COX20: variants seen among roughly 807,000 people sequenced by gnomAD.
COX20 encodes the protein cytochrome c oxidase assembly factor COX20.
In COX20, 14 loss-of-function variants were observed where a neutral mutation model predicts 14.3. The observed-to-expected ratio is 0.98, with a 90% CI of 0.65 to 1.53. The LOEUF is 1.53. Among genes scored for constraint, COX20 ranks in the 40% most tolerant of loss-of-function variants. The pLI is 0.00. For synonymous variants in COX20, 56 were observed against 51.7 expected (o/e 1.08, Z -0.36); for missense variants, 149 against 142.1 (o/e 1.05, Z -0.25).
At position 244,843,495 on chromosome 1, in the gene COX20, A is replaced by G. The variant is rs1680299068; in HGVS notation, c.*319A>G. ...GTAGTAGTAAGTATAGAGTTTGATGATAAGTAAACGTCCCTTAACAAAAAC... is the reference window on the plus strand; with the variant it reads ...GTAGTAGTAAGTATAGAGTTTGATGGTAAGTAAACGTCCCTTAACAAAAAC... On this transcript the variant is annotated 3_prime_UTR_variant, in exon 4 of 4. Transcript: ENST00000411948. The G allele has an allele frequency of 4.4e-6, 1 of 226,006 alleles. No homozygotes were observed. The highest frequency in any genetic ancestry group is 8.6e-6 in the Non-Finnish European group (1 of 116,332). The allele number at this position is 226,006 out of a possible 1,614,324, so 14.0% of individuals were successfully genotyped here.
intron 1 of COX20, chr1:244,841,159 T>C (rs1680184434): frequency 6.6e-6 from 1 of 152,166 alleles, no homozygotes. Flanking sequence ...GAAAAAGAAT[T>C]TTAGCACTTG....
intron 1 of COX20, chr1:244,839,648 A>G (rs1489007385): frequency 6.6e-6 from 1 of 152,204 alleles, no homozygotes; most frequent in East Asian, 1.9e-4. Flanking sequence ...CAGTGTACTT[A>G]ACTGTAAAGG....
intron 3 of COX20, 48 bp downstream of exon 3, chr1:244,842,306 C>T: frequency 7.7e-7 from 1 of 1,297,400 alleles, no homozygotes; most frequent in Non-Finnish European, 1.1e-6. Context: ...AGTAGGTTAT[C>T]TAATTCAAAA....
chr1:244,835,739 G>A lies in COX20; in HGVS notation c.25G>A (p.Glu9Lys), dbSNP rs946982087. ...CATGGCCGCCCCGCCGGAGCCCGGTGAGCCCGAGGAGAGGAAGGTAACCTG... is the reference window on the plus strand; with the variant it reads ...CATGGCCGCCCCGCCGGAGCCCGGTAAGCCCGAGGAGAGGAAGGTAACCTG... MAAPPEPGEPEERKSLKLL... is the reference protein window; with the variant it reads MAAPPEPGKPEERKSLKLL... Residue 9 changes from glutamate to lysine, a missense_variant, in exon 1 of 4, where the codon GAG (glutamate) becomes AAG (lysine). By Grantham distance (56) the Glu-to-Lys change is moderately conservative (BLOSUM62 1). Transcript: ENST00000411948. 8 of 1,273,320 alleles carry A rather than the reference G, an allele frequency of 6.3e-6. No individual in the cohort carries two copies. The highest frequency in any genetic ancestry group is 3.1e-5 in the African/African-American group (2 of 65,144). 78.9% of individuals were successfully genotyped at this position (1,273,320 alleles called of 1,614,324 possible). A position where few individuals can be genotyped will look rare whatever the true frequency, so the allele number is the denominator to read the frequency against.
intron 1 of COX20, chr1:244,840,850 A>ATATAGGAT (rs1680173898): frequency 2.0e-5 from 3 of 152,278 alleles, no homozygotes; most frequent in South Asian, 2.1e-4. Context: ...GTATCACCTC[A>ATATAGGAT]TCCTATAGAA....
intron 1 of COX20, chr1:244,841,689 T>G (rs1680204790): frequency 2.8e-6 from 1 of 354,098 alleles, no homozygotes; most frequent in South Asian, 5.8e-5. Context: ...GATTAGCAAA[T>G]TAAGATACAG....
In COX20 at chr1:244,842,173, ATTG is replaced by A; in HGVS notation, c.158-19_158-17del. 1 of 1,549,178 alleles carries A rather than the reference ATTG, an allele frequency of 6.5e-7. No individual in the cohort carries two copies. The highest frequency in any genetic ancestry group is 8.9e-7 in the Non-Finnish European group (1 of 1,122,698). Reference sequence around the variant, plus strand: ...ATATAACGTAATTATATTCTAATTAATTGTTATGCTTATTTTTACAGGTAGAAT... The same window carrying A: ...ATATAACGTAATTATATTCTAATTAATTATGCTTATTTTTACAGGTAGAAT... On this transcript the variant is annotated intron_variant, in intron 2 of 3. Transcript: ENST00000411948.
Position 244,844,863 on chromosome 1 carries a change from A to T in COX20, c.*1687A>T, listed in dbSNP as rs1340585583. 6.6e-6 allele frequency: 1 copy of T among 152,084 alleles called. No homozygotes were observed. Among genetic ancestry groups the T allele is most frequent in the South Asian group, 2.1e-4 (1 of 4,828 alleles). The allele number at this position is 152,084 out of a possible 1,614,324, so 9.4% of individuals were successfully genotyped here. Reference sequence around the variant, plus strand: ...TTGATGATCACTAATCAATAATCTGATATTTAACAAAATATGGACAGGCCA... The same window carrying T: ...TTGATGATCACTAATCAATAATCTGTTATTTAACAAAATATGGACAGGCCA... On this transcript the variant is annotated 3_prime_UTR_variant, in exon 4 of 4. Transcript: ENST00000411948.
chr1:244,836,390 A>G (rs1438816985), intron 1 of COX20: 2 of 1,058,850 alleles, frequency 1.9e-6, no homozygotes, highest in Admixed American at 2.1e-5. Flanking sequence ...ATAAAACCCA[A>G]ATTCTTGGTA....
At chr1:244,841,559 C>T (rs1244702305) in intron 1 of COX20, 1 of 162,276 alleles carries the variant, frequency 6.2e-6, no homozygotes, top group Non-Finnish European at 1.4e-5. Flanking sequence ...ATTTCTGCTT[C>T]CCAAATTATT....
In COX20 at chr1:244,844,082, G is replaced by A. The variant is rs925644423; in HGVS notation, c.*906G>A. 2 of 152,210 alleles carry A rather than the reference G, an allele frequency of 1.3e-5. No individual in the cohort carries two copies. The highest frequency in any genetic ancestry group is 4.8e-5 in the African/African-American group (2 of 41,450). 9.4% of individuals were successfully genotyped at this position (152,210 alleles called of 1,614,324 possible). A position where few individuals can be genotyped will look rare whatever the true frequency, so the allele number is the denominator to read the frequency against. ...TGCTTAAAGAAATATTGGGGCGAAG[G>A]TAACAGCAGTCAACAGGATTGTGGC... On this transcript the variant is annotated 3_prime_UTR_variant, in exon 4 of 4. Transcript: ENST00000411948.
Position 244,844,690 on chromosome 1 carries a change from G to C in COX20, c.*1514G>C, listed in dbSNP as rs1364104459. On this transcript the variant is annotated 3_prime_UTR_variant, in exon 4 of 4. Coordinates refer to ENST00000411948, the MANE Select transcript of COX20 (RefSeq NM_198076.6). Reference sequence around the variant, plus strand: ...GGAGAATCACTTGAACCCGAGGTGGGGCAGGCGGAGGTTGCAGTAAGCCAA... The same window carrying C: ...GGAGAATCACTTGAACCCGAGGTGGCGCAGGCGGAGGTTGCAGTAAGCCAA... The C allele has an allele frequency of 6.6e-5, 10 of 152,042 alleles. No individual in the cohort carries two copies. The highest frequency in any genetic ancestry group is 1.5e-4 in the Non-Finnish European group (10 of 68,050). The allele number at this position is 152,042 out of a possible 1,614,324, so 9.4% of individuals were successfully genotyped here.
chr1:244,841,707 T>C lies in COX20; in HGVS notation c.43-237T>C, dbSNP rs1317423508. The C allele has an allele frequency of 9.8e-6, 4 of 410,254 alleles. No homozygotes were observed. In the South Asian group the frequency reaches 1.8e-4, roughly 18 times the overall value. 25.4% of individuals were successfully genotyped at this position (410,254 alleles called of 1,614,324 possible). On this transcript the variant is annotated intron_variant, in intron 1 of 3. Coordinates refer to ENST00000411948, the MANE Select transcript of COX20 (RefSeq NM_198076.6). The stretch of plus-strand genomic sequence containing the variant: ...TAGCAAATTAAGATACAGCTCCAAG[T>C]TACCCTACTGCTTAAGGGTTTTCCG...
At chr1:244,840,921 C>T (rs1168516938) in intron 1 of COX20, 1 of 152,144 alleles carries the variant, frequency 6.6e-6, no homozygotes, top group Admixed American at 6.5e-5. Flanking sequence ...AACTATGAAA[C>T]CTTTAAATGG....
chr1:244,843,444 G>A lies in COX20; in HGVS notation c.*268G>A. ...GTGTGGCAAAGAATTATAAAACATA[G>A]TGTTTAATGTACTTGGAGTTTCCTT... On this transcript the variant is annotated 3_prime_UTR_variant, in exon 4 of 4. Transcript: ENST00000411948. The A allele has an allele frequency of 2.7e-6, 1 of 374,476 alleles. No individual in the cohort carries two copies. The highest frequency in any genetic ancestry group is 4.8e-6 in the Non-Finnish European group (1 of 207,536). The allele number at this position is 374,476 out of a possible 1,614,324, so 23.2% of individuals were successfully genotyped here.
At chr1:244,842,759 T>A (rs763104433) in intron 3 of COX20, 2 of 275,298 alleles carry the variant, frequency 7.3e-6, no homozygotes, top group Non-Finnish European at 1.4e-5. Flanking sequence ...AATACTTGTT[T>A]CTTATAATAG....
At chr1:244,835,338 G>T (rs898289039), upstream of COX20, 1 of 197,830 alleles carries the variant, frequency 5.1e-6, no homozygotes, top group South Asian at 1.9e-4. Context: ...GAGACGGTTA[G>T]AAATGGCGGT....
intron 1 of COX20, chr1:244,836,489 C>T: frequency 6.4e-7 from 1 of 1,550,522 alleles, no homozygotes. Context: ...TCCCAGGCAT[C>T]TTGTACGTCG....
Position 244,843,294 on chromosome 1 carries a change from C to A in COX20, c.*118C>A. On this transcript the variant is annotated 3_prime_UTR_variant, in exon 4 of 4. Coordinates refer to ENST00000411948, the MANE Select transcript of COX20 (RefSeq NM_198076.6). ...GTTTAAGTTGTAGTCATTTTTTTCC[C>A]ACACTTGTGTGGAATGAAAACTTGC... 1 of 1,241,530 alleles carries A rather than the reference C, an allele frequency of 8.1e-7. No individual in the cohort carries two copies. The highest frequency in any genetic ancestry group is 1.4e-5 in the South Asian group (1 of 71,232). 76.9% of individuals were successfully genotyped at this position (1,241,530 alleles called of 1,614,324 possible). A position where few individuals can be genotyped will look rare whatever the true frequency, so the allele number is the denominator to read the frequency against.
Sources: allele counts gnomAD v4.1 joint callset, GRCh38; gene constraint gnomAD v4.1.1; transcripts MANE v1.5; gene names NCBI Gene and HGNC (gene_info 2026-07-23, HGNC 2026-07-21).